Variants in JMY observed in about 807,000 individuals in gnomAD.
JMY encodes the protein junction-mediating and -regulatory protein.
A neutral mutation model predicts 103.3 loss-of-function variants in JMY; 46 were observed. The observed-to-expected ratio is 0.45, with a 90% CI of 0.35 to 0.57. JMY has a LOEUF of 0.57. JMY is among the 20% of genes least tolerant of loss of function. The pLI, the probability that JMY is intolerant of heterozygous loss-of-function variation, is 0.00. For synonymous variants in JMY, 526 were observed against 489.3 expected, an observed-to-expected ratio of 1.07 and a Z score of -0.99; for missense variants, 1,238 against 1,255.2, an observed-to-expected ratio of 0.99 and a Z score of 0.21.
At chr5:79,303,182 G>A (rs1746787853) in intron 6 of JMY, among the ~76,000 whole-genome samples, 1 of 152,192 alleles carries the variant, frequency 6.6e-6, no homozygotes, top group Non-Finnish European at 1.5e-5. Context: ...GGTCTTATAA[G>A]AGTGTATGAG....
At position 79,252,319 on chromosome 5, in the gene JMY, A is replaced by G. The variant is rs1423215608; in HGVS notation, c.1032+14637A>G. Among the ~76,000 whole-genome samples, 5 of 151,738 alleles carry G rather than the reference A, an allele frequency of 3.3e-5. No homozygotes were observed. In the East Asian group the frequency reaches 9.7e-4, roughly 29 times the overall value. ...CTAGTTTATCTCATTTTGGTCAGAGAAAATGCTTGATAGTCAGGTTTTTTT... is the reference window on the plus strand; with the variant it reads ...CTAGTTTATCTCATTTTGGTCAGAGGAAATGCTTGATAGTCAGGTTTTTTT... On this transcript the variant is annotated intron_variant, in intron 1 of 10. Transcript: ENST00000396137.
intron 4 of JMY, among the ~76,000 whole-genome samples, chr5:79,292,619 A>T (rs930852954): frequency 7.2e-5 from 11 of 152,106 alleles, no homozygotes; most frequent in African/African-American, 1.9e-4. Context: ...GCCCGTCTTC[A>T]TTATATTATC....
intron 1 of JMY, among the ~76,000 whole-genome samples, chr5:79,242,526 C>T (rs1323101515): frequency 6.6e-6 from 1 of 152,030 alleles, no homozygotes; most frequent in Non-Finnish European, 1.5e-5. Context: ...TGTTTTATAC[C>T]TATTTTACTG....
At chr5:79,257,014 T>C (rs1388462289) in intron 1 of JMY, among the ~76,000 whole-genome samples, 1 of 64,758 alleles carries the variant, frequency 1.5e-5, no homozygotes, top group Non-Finnish European at 3.7e-5. Context: ...ACCACTGCCT[T>C]TTTTTTTTGG....
At chr5:79,280,056 C>T (rs548614186) in intron 2 of JMY, among the ~76,000 whole-genome samples, 2 of 152,168 alleles carry the variant, frequency 1.3e-5, no homozygotes, top group Non-Finnish European at 2.9e-5. Flanking sequence ...GTTGCCCAGG[C>T]TGGTCCAGAA....
intron 1 of JMY, among the ~76,000 whole-genome samples, chr5:79,261,150 A>G (rs186947543): frequency 6.6e-6 from 1 of 152,186 alleles, no homozygotes; most frequent in Non-Finnish European, 1.5e-5. Flanking sequence ...AGATGGCTAC[A>G]AGATGAAAAG....
chr5:79,279,639 C>A (rs1224414460), intron 2 of JMY, among the ~76,000 whole-genome samples: 2 of 152,074 alleles, frequency 1.3e-5, no homozygotes, highest in Admixed American at 1.3e-4. Flanking sequence ...TTTCTCTTTA[C>A]TAACGTATCA....
intron 9 of JMY, 51 bp downstream of exon 9, chr5:79,314,902 T>TA (rs757544898): frequency 2.7e-5 from 39 of 1,461,384 alleles, no homozygotes; most frequent in African/African-American, 5.7e-5. Flanking sequence ...TCAGGCATAG[T>TA]AAAAAACTAT....
intron 6 of JMY, among the ~76,000 whole-genome samples, chr5:79,306,113 TC>T (rs1275935560): frequency 6.6e-6 from 1 of 152,174 alleles, no homozygotes; most frequent in Admixed American, 6.5e-5. Flanking sequence ...CCCCCTTCAG[TC>T]CACCTTGCCC....
chr5:79,298,156 C>T (rs1474152010), intron 4 of JMY, among the ~76,000 whole-genome samples: 1 of 152,142 alleles, frequency 6.6e-6, no homozygotes, highest in Non-Finnish European at 1.5e-5. Context: ...AAAATGGTCA[C>T]TTAGTTGGGT....
intron 1 of JMY, among the ~76,000 whole-genome samples, chr5:79,247,884 A>ATATTT (rs1168365480): frequency 0.013 from 1,907 of 144,160 alleles, 35 homozygotes; most frequent in African/African-American, 0.049. Flanking sequence ...ATTTTATTTT[A>ATATTT]TATTTTATTT....
intron 2 of JMY, chr5:79,284,194 C>A: frequency 6.4e-7 from 1 of 1,558,782 alleles, no homozygotes; most frequent in Non-Finnish European, 8.7e-7. Flanking sequence ...GCACCTCTCT[C>A]GTCCCCAGTG....
chr5:79,313,366 CTGT>C (rs1481817346), intron 8 of JMY, among the ~76,000 whole-genome samples: 1 of 152,114 alleles, frequency 6.6e-6, no homozygotes, highest in African/African-American at 2.4e-5. Flanking sequence ...CTGCAGTGAG[CTGT>C]GATCATACCA....
chr5:79,237,713 A>T, intron 1 of JMY, 31 bp downstream of exon 1: 1 of 1,573,428 alleles, frequency 6.4e-7, no homozygotes, highest in Non-Finnish European at 8.6e-7. Flanking sequence ...TCTGGGCTCT[A>T]CTGGTCGCTT....
At chr5:79,240,022 CTT>C (rs572765239) in intron 1 of JMY, among the ~76,000 whole-genome samples, 3 of 144,516 alleles carry the variant, frequency 2.1e-5, no homozygotes, top group Admixed American at 6.9e-5. Flanking sequence ...TTTTTTCTTT[CTT>C]TTTTTTTTTG....
At chr5:79,295,855 T>G (rs1398605403) in intron 4 of JMY, among the ~76,000 whole-genome samples, 1 of 152,140 alleles carries the variant, frequency 6.6e-6, no homozygotes, top group Non-Finnish European at 1.5e-5. Context: ...TTTCAAAGAG[T>G]CTAAATACAA....
At chr5:79,309,133 A>G (rs1746971707) in intron 7 of JMY, among the ~76,000 whole-genome samples, 2 of 151,946 alleles carry the variant, frequency 1.3e-5, no homozygotes, top group Admixed American at 1.3e-4. Context: ...TTATTTCTGT[A>G]TAGCTTTTAT....
intron 10 of JMY, among the ~76,000 whole-genome samples, chr5:79,318,033 ACT>A: frequency 6.6e-6 from 1 of 151,826 alleles, no homozygotes; most frequent in East Asian, 1.9e-4. Context: ...ACAGGGTTTC[ACT>A]CTCTCACCCA....
At position 79,306,416 on chromosome 5, in the gene JMY, C is replaced by T. The variant is rs771302161; in HGVS notation, c.1923C>T (p.Arg641=). 1 of 1,613,194 alleles carries T rather than the reference C, an allele frequency of 6.2e-7. No individual in the cohort carries two copies. The highest frequency in any genetic ancestry group is 8.5e-7 in the Non-Finnish European group (1 of 1,179,302). ...IAKHNEKIQQ[R]TRIEDEYRTH... is the part of the protein sequence containing the mutation. ...AACACAATGAAAAAATCCAACAGCG[C>T]ACTCGGATTGAAGATGAATATAGAA... The change falls in exon 7 of 11, where the codon CGC becomes CGT. Residue 641 remains arginine, a synonymous_variant. Transcript: ENST00000396137.
Sources: allele counts gnomAD v4.1 joint callset (sites outside exome capture counted in the v4.1 genomes callset), GRCh38; gene constraint gnomAD v4.1.1; transcripts MANE v1.5; gene names NCBI Gene and HGNC (gene_info 2026-07-23, HGNC 2026-07-21).